The following MAIP1 variants were observed in gnomAD, a reference collection of about 807,000 sequenced individuals.
The protein encoded by MAIP1 is m-AAA protease-interacting protein 1, mitochondrial.
MAIP1 carries 28 observed loss-of-function variants against 31.2 expected under a neutral mutation model. The ratio of observed to expected loss-of-function variants is 0.90; its 90% CI spans 0.67 to 1.23. MAIP1 has a LOEUF of 1.23. MAIP1 is among the 50% of genes most tolerant of loss of function. The pLI, the probability that MAIP1 is intolerant of heterozygous loss-of-function variation, is 0.00. For synonymous variants in MAIP1, 142 were observed against 142.3 expected, an observed-to-expected ratio of 1.00 and a Z score of 0.02; for missense variants, 339 against 356.0, an observed-to-expected ratio of 0.95 and a Z score of 0.38.
intron 4 of MAIP1, among the ~76,000 whole-genome samples, chr2:199,962,617 T>C (rs1330417787): frequency 6.6e-6 from 1 of 152,170 alleles, no homozygotes; most frequent in Non-Finnish European, 1.5e-5. Flanking sequence ...CAAGGCCACA[T>C]AGCAGAAGAG....
At chr2:199,962,771 G>A (rs573053631) in intron 4 of MAIP1, among the ~76,000 whole-genome samples, 2 of 152,264 alleles carry the variant, frequency 1.3e-5, no homozygotes, top group East Asian at 3.9e-4. Context: ...CAAAGTTGAA[G>A]GGATACTGCC....
chr2:199,962,058 C>G, intron 4 of MAIP1, 130 bp downstream of exon 4: 1 of 771,768 alleles, frequency 1.3e-6, no homozygotes, highest in Non-Finnish European at 2.0e-6. Flanking sequence ...GAGAAAAGGT[C>G]AGAAAGACAC....
At position 199,956,241 on chromosome 2, in the gene MAIP1, C is replaced by T; in HGVS notation, c.443C>T (p.Ala148Val). ...AGCATCACAGAGTTCTCCGAGGGAG[C>T]GAAGCAGGTTTGTTTATTTCCCTGA... ...EFSITEFSEG[A>V]KQAFAHVSKL... The change falls in exon 1 of 5, where the codon GCG becomes GTG. Residue 148 changes from alanine to valine, a missense_variant. Ala to Val is a moderately conservative substitution (Grantham distance 64, BLOSUM62 0). Transcript: ENST00000392290. 4 of 1,609,338 alleles carry T rather than the reference C, an allele frequency of 2.5e-6. 1 individual carries two copies. Among genetic ancestry groups the T allele is most frequent in the South Asian group, 1.1e-5 (1 of 90,702 alleles).
chr2:199,960,293 T>C (rs1014428130), intron 3 of MAIP1, among the ~76,000 whole-genome samples: 1 of 152,176 alleles, frequency 6.6e-6, no homozygotes, highest in Non-Finnish European at 1.5e-5. Flanking sequence ...CTAAAGACAA[T>C]TTGAAAAGGT....
rs752410100 is a variant in MAIP1, at chr2:199,961,832, A to G, written c.701A>G (p.Asn234Ser). The G allele has an allele frequency of 5.0e-6, 8 of 1,613,962 alleles. No homozygotes were observed. In the East Asian group the frequency reaches 1.8e-4, roughly 36 times the overall value. The change falls in exon 4 of 5, where the codon AAC becomes AGC. Residue 234 changes from asparagine to serine, a missense_variant. Coordinates refer to ENST00000392290, the MANE Select transcript of MAIP1 (RefSeq NM_001394955.1). ...LMCFWYLTSANIPSETLRGAS... is the reference protein window; with the variant it reads ...LMCFWYLTSASIPSETLRGAS... ...TGCTTTTGGTATCTAACCAGTGCCA[A>G]CATCCCCAGTGAAACTTTAAGAGGA...
intron 1 of MAIP1, among the ~76,000 whole-genome samples, chr2:199,957,163 G>A (rs2077611653): frequency 6.6e-6 from 1 of 152,088 alleles, no homozygotes; most frequent in Admixed American, 6.6e-5. Context: ...TACTTTGGGA[G>A]GCCGAGGCAG....
chr2:199,961,909 C>T lies in MAIP1; in HGVS notation c.778C>T (p.Leu260Phe). The part of the protein sequence containing the change: ...LGNQNVETKQ[L>F]LSASYEFQRE... Reference sequence around the variant, plus strand: ...GAATCAGAATGTGGAAACTAAACAACTTCTTAGTGCAAGCTATGAGTAAGT... The same window carrying T: ...GAATCAGAATGTGGAAACTAAACAATTTCTTAGTGCAAGCTATGAGTAAGT... Residue 260 changes from leucine to phenylalanine, a missense_variant, in exon 4 of 5, where the codon CTT (leucine) becomes TTT (phenylalanine). Leu to Phe is a conservative substitution (Grantham distance 22). Coordinates refer to ENST00000392290, the MANE Select transcript of MAIP1 (RefSeq NM_001394955.1). 6.2e-7 allele frequency: 1 copy of T among 1,612,860 alleles called. No homozygotes were observed.
intron 4 of MAIP1, among the ~76,000 whole-genome samples, chr2:199,962,332 G>A (rs1012058844): frequency 6.6e-6 from 1 of 152,130 alleles, no homozygotes; most frequent in African/African-American, 2.4e-5. Context: ...TAACTCGCAT[G>A]GGTGGCACCT....
Position 199,955,661 on chromosome 2 carries a change from A to T in MAIP1, c.-138A>T. 7 of 1,104,240 alleles carry T rather than the reference A, an allele frequency of 6.3e-6. 1 individual carries two copies. The South Asian group carries it at 1.1e-4, about 18-fold the overall frequency. 68.4% of individuals were successfully genotyped at this position (1,104,240 alleles called of 1,614,324 possible). On this transcript the variant is annotated 5_prime_UTR_variant, in exon 1 of 5. Coordinates refer to ENST00000392290, the MANE Select transcript of MAIP1 (RefSeq NM_001394955.1). The stretch of plus-strand genomic sequence containing the variant: ...CTGGGCTGCGTGCTGGAGAGCGGGG[A>T]CGGGGCCGACTCACCAGAGGCTGCA...
intron 4 of MAIP1, among the ~76,000 whole-genome samples, chr2:199,962,795 T>C (rs373104760): frequency 6.6e-6 from 1 of 152,176 alleles, no homozygotes; most frequent in Non-Finnish European, 1.5e-5. Context: ...AAGCACATAC[T>C]GTATAGTAGG....
chr2:199,958,421 C>T (rs1298173402), intron 1 of MAIP1, among the ~76,000 whole-genome samples: 1 of 152,172 alleles, frequency 6.6e-6, no homozygotes, highest in Non-Finnish European at 1.5e-5. Context: ...CACAATTCAT[C>T]CTATAACAGT....
At chr2:199,960,326 G>A (rs966329393) in intron 3 of MAIP1, among the ~76,000 whole-genome samples, 101 of 152,216 alleles carry the variant, frequency 6.6e-4, no homozygotes, top group African/African-American at 2.4e-3. Context: ...TCCCAAATTG[G>A]ATCTATTTGA....
chr2:199,956,204 G>T lies in MAIP1; in HGVS notation c.406G>T (p.Asp136Tyr), dbSNP rs756709016. 1 of 1,614,048 alleles carries T rather than the reference G, an allele frequency of 6.2e-7. No individual in the cohort carries two copies. The highest frequency in any genetic ancestry group is 1.1e-5 in the South Asian group (1 of 91,066). The change falls in exon 1 of 5, where the codon GAC becomes TAC. Residue 136 changes from aspartate to tyrosine, a missense_variant. By Grantham distance (160) the Asp-to-Tyr change is radical (BLOSUM62 -3). Transcript: ENST00000392290. ...IKAFLIWAYF[D>Y]KEFSITEFSE... ...GGCCTTCCTTATCTGGGCCTATTTCGACAAAGAGTTCAGCATCACAGAGTT... is the reference window on the plus strand; with the variant it reads ...GGCCTTCCTTATCTGGGCCTATTTCTACAAAGAGTTCAGCATCACAGAGTT...
In MAIP1 at chr2:199,961,761, G is replaced by C. The variant is rs746953774; in HGVS notation, c.650-20G>C. 2 of 1,600,612 alleles carry C rather than the reference G, an allele frequency of 1.2e-6. No individual in the cohort carries two copies. Among genetic ancestry groups the C allele is most frequent in the East Asian group, 2.2e-5 (1 of 44,750 alleles). The stretch of plus-strand genomic sequence containing the variant: ...TATTTTGATTTGTATTCGTATGTGT[G>C]TATATGTTTTTTCTCTAAGGAAGGA... On this transcript the variant is annotated intron_variant, in intron 3 of 4. Transcript: ENST00000392290.
chr2:199,959,632 A>G, intron 2 of MAIP1, 122 bp from the exon 3 acceptor site: 1 of 785,532 alleles, frequency 1.3e-6, no homozygotes, highest in Non-Finnish European at 2.0e-6. Flanking sequence ...TTTGAGGATG[A>G]GTAAATACGG....
upstream of MAIP1, chr2:199,955,437 C>T: frequency 6.2e-7 from 1 of 1,613,952 alleles, no homozygotes; most frequent in Non-Finnish European, 8.5e-7. Flanking sequence ...GAAACGCCCT[C>T]CAGCCGGGGT....
upstream of MAIP1, chr2:199,955,472 G>A (rs1405305893): frequency 2.5e-6 from 4 of 1,613,522 alleles, no homozygotes; most frequent in African/African-American, 1.3e-5. Flanking sequence ...CCCGGCCATG[G>A]TTGCTCACGC....
intron 3 of MAIP1, among the ~76,000 whole-genome samples, chr2:199,960,538 T>C (rs919904205): frequency 6.6e-6 from 1 of 152,234 alleles, no homozygotes; most frequent in African/African-American, 2.4e-5. Context: ...GTTGCATCTG[T>C]ACTTGAACAT....
rs1244890408 is a variant in MAIP1, at chr2:199,955,986, C to T, written c.188C>T (p.Ala63Val). ...LFPRSARALA[A>V]SALPAQGSRW... ...CCACGAAGCGCTAGGGCCTTGGCAGCCTCGGCGCTACCTGCCCAGGGCTCC... is the reference window on the plus strand; with the variant it reads ...CCACGAAGCGCTAGGGCCTTGGCAGTCTCGGCGCTACCTGCCCAGGGCTCC... The change falls in exon 1 of 5, where the codon GCC (alanine) becomes GTC (valine). Residue 63 changes from alanine to valine, a missense_variant. Coordinates refer to ENST00000392290, the MANE Select transcript of MAIP1 (RefSeq NM_001394955.1). The T allele has an allele frequency of 6.2e-7, 1 of 1,612,034 alleles. No homozygotes were observed. Among genetic ancestry groups the T allele is most frequent in the Non-Finnish European group, 8.5e-7 (1 of 1,179,312 alleles).
Sources: allele counts gnomAD v4.1 joint callset (sites outside exome capture counted in the v4.1 genomes callset), GRCh38; gene constraint gnomAD v4.1.1; transcripts MANE v1.5; gene names NCBI Gene and HGNC (gene_info 2026-07-23, HGNC 2026-07-21).